SERINC5: variants seen among roughly 807,000 people sequenced by gnomAD.
SERINC5 encodes chromosome 5 open reading frame 12.
Under a neutral mutation model 63.1 loss-of-function variants are expected in SERINC5, and 41 were observed. That is an observed-to-expected ratio of 0.65 (90% CI 0.51 to 0.84). The LOEUF (loss-of-function observed/expected upper bound fraction) is 0.84. SERINC5 is among the 40% of genes least tolerant of loss of function. The pLI is 0.00. For missense variants in SERINC5, 523 were observed against 573.0 expected, an observed-to-expected ratio of 0.91 and a Z score of 0.89; for synonymous variants, 222 against 215.2, an observed-to-expected ratio of 1.03 and a Z score of -0.28.
chr5:80,225,384 T>C (rs1433037359), intron 1 of SERINC5, among the ~76,000 whole-genome samples: 1 of 152,210 alleles, frequency 6.6e-6, no homozygotes, highest in African/African-American at 2.4e-5. Flanking sequence ...GTCCATTTGT[T>C]TGCAATACTT....
chr5:80,141,503 A>C lies in SERINC5; in HGVS notation c.*2160T>G, dbSNP rs1745503413. On this transcript the variant is annotated 3_prime_UTR_variant, in exon 12 of 12. Coordinates refer to ENST00000507668, the MANE Select transcript of SERINC5 (RefSeq NM_001174072.3). Reference sequence around the variant, plus strand: ...ACCAGCTGGCAGCCAGACCCAGCCGAGAGGACAAAGCAAGGGCTCTGCTAG... The same window carrying C: ...ACCAGCTGGCAGCCAGACCCAGCCGCGAGGACAAAGCAAGGGCTCTGCTAG... 16 of 985,456 alleles carry C rather than the reference A, an allele frequency of 1.6e-5. No individual in the cohort carries two copies. Among genetic ancestry groups the C allele is most frequent in the Non-Finnish European group, 1.8e-5 (15 of 830,034 alleles). The allele number at this position is 985,456 out of a possible 1,614,324, so 61.0% of individuals were successfully genotyped here.
intron 1 of SERINC5, among the ~76,000 whole-genome samples, 173 bp downstream of exon 1, chr5:80,255,723 A>G (rs1384418389): frequency 6.9e-6 from 1 of 144,044 alleles, no homozygotes; most frequent in Non-Finnish European, 1.5e-5. Context: ...CCGCCCGCCC[A>G]GGGCACAGGA....
intron 8 of SERINC5, among the ~76,000 whole-genome samples, chr5:80,156,093 T>C (rs1216548777): frequency 6.6e-6 from 1 of 152,172 alleles, no homozygotes; most frequent in African/African-American, 2.4e-5. Context: ...TCCAGTCTTC[T>C]ACAACTTTAC....
chr5:80,219,516 C>A (rs1222681186), intron 1 of SERINC5, among the ~76,000 whole-genome samples: 1 of 152,150 alleles, frequency 6.6e-6, no homozygotes, highest in African/African-American at 2.4e-5. Context: ...CTGTTCATTG[C>A]CTTTTCAAGC....
chr5:80,175,081 C>G (rs757967878), intron 4 of SERINC5, 34 bp from the exon 5 acceptor site: 2 of 1,445,154 alleles, frequency 1.4e-6, no homozygotes, highest in Non-Finnish European at 9.5e-7. Context: ...AATGAGGCAA[C>G]CTTTCGTTGT....
intron 1 of SERINC5, among the ~76,000 whole-genome samples, chr5:80,229,021 CTTT>C (rs1166636996): frequency 1.2e-5 from 1 of 86,054 alleles, no homozygotes; most frequent in Non-Finnish European, 2.3e-5. Context: ...TTTTACATAC[CTTT>C]TTTTTTTTTT....
rs530096545 is a variant in SERINC5 at position 80,242,491 on chromosome 5, C to T, written c.27+13405G>A. On this transcript the variant is annotated intron_variant, in intron 1 of 11. Transcript: ENST00000507668. ...AAATTAGGCCAGGCGCAGTGGCTCACGCCTATAATCCCAGCATTTGGGAGG... is the reference window on the plus strand; with the variant it reads ...AAATTAGGCCAGGCGCAGTGGCTCATGCCTATAATCCCAGCATTTGGGAGG... 5.2e-3 allele frequency among the ~76,000 whole-genome samples: 424 copies of T among 81,608 alleles called. 1 individual carries two copies. Among genetic ancestry groups the T allele is most frequent in the Middle Eastern group, 0.015 (3 of 194 alleles). The allele number at this position is 81,608 out of a possible 152,430, so 53.5% of individuals were successfully genotyped here. A position where few individuals can be genotyped will look rare whatever the true frequency, so the allele number is the denominator to read the frequency against.
At chr5:80,242,709 C>T (rs1477567549) in intron 1 of SERINC5, among the ~76,000 whole-genome samples, 2 of 152,084 alleles carry the variant, frequency 1.3e-5, no homozygotes, top group Non-Finnish European at 2.9e-5. Context: ...AAGATCTCAC[C>T]ACTGCACTCC....
intron 2 of SERINC5, 92 bp downstream of exon 2, chr5:80,202,794 G>C: frequency 1.6e-6 from 2 of 1,289,180 alleles, no homozygotes; most frequent in Non-Finnish European, 2.2e-6. Context: ...AAACACATGG[G>C]GGTACATGGA....
intron 2 of SERINC5, among the ~76,000 whole-genome samples, chr5:80,190,249 A>T (rs1184812678): frequency 6.6e-6 from 1 of 151,426 alleles, no homozygotes; most frequent in Non-Finnish European, 1.5e-5. Context: ...AGCAGCTAGG[A>T]CTACAGGTGC....
intron 11 of SERINC5, among the ~76,000 whole-genome samples, chr5:80,120,536 T>C (rs1329886548): frequency 6.6e-6 from 1 of 152,092 alleles, no homozygotes; most frequent in Non-Finnish European, 1.5e-5. Flanking sequence ...GAAATACCCA[T>C]GGCCAGGCGT....
At chr5:80,152,375 T>A (rs979244417) in intron 8 of SERINC5, among the ~76,000 whole-genome samples, 1 of 149,984 alleles carries the variant, frequency 6.7e-6, no homozygotes, top group Admixed American at 6.6e-5. Flanking sequence ...GTGGCACATG[T>A]CTGCAGTCCC....
intron 2 of SERINC5, among the ~76,000 whole-genome samples, chr5:80,200,145 G>A (rs1416999006): frequency 2.3e-5 from 3 of 132,146 alleles, no homozygotes; most frequent in Non-Finnish European, 5.0e-5. Flanking sequence ...GCAACAGAGC[G>A]AGACTCGTAA....
At chr5:80,227,830 CAG>C (rs1751238210) in intron 1 of SERINC5, among the ~76,000 whole-genome samples, 1 of 151,986 alleles carries the variant, frequency 6.6e-6, no homozygotes, top group South Asian at 2.1e-4. Context: ...ACCTGGACGA[CAG>C]AGTGAGACCC....
intron 1 of SERINC5, among the ~76,000 whole-genome samples, chr5:80,215,889 T>C (rs940466746): frequency 6.6e-6 from 1 of 152,176 alleles, no homozygotes; most frequent in Non-Finnish European, 1.5e-5. Flanking sequence ...GATGTTCCCC[T>C]TTTTTGGAGT....
Position 80,192,665 on chromosome 5 carries a change from G to A in SERINC5, c.195+10221C>T, listed in dbSNP as rs571978188. On this transcript the variant is annotated intron_variant, in intron 2 of 11. Coordinates refer to ENST00000507668, the MANE Select transcript of SERINC5 (RefSeq NM_001174072.3). Reference sequence around the variant, plus strand: ...CCACACTGATGAAAGCCAGCATGTCGAAAGATAATTTTAGATCTATTTGAA... The same window carrying A: ...CCACACTGATGAAAGCCAGCATGTCAAAAGATAATTTTAGATCTATTTGAA... 1.1e-4 allele frequency among the ~76,000 whole-genome samples: 16 copies of A among 152,252 alleles called. 1 individual carries two copies. The highest frequency in any genetic ancestry group is 6.5e-5 in the Admixed American group (1 of 15,294).
At chr5:80,132,138 C>T (rs1045828079) in intron 11 of SERINC5, among the ~76,000 whole-genome samples, 4 of 152,166 alleles carry the variant, frequency 2.6e-5, no homozygotes, top group Admixed American at 2.6e-4. Flanking sequence ...AAATTTTTCA[C>T]CCCCAAACCA....
At chr5:80,152,985 A>AT (rs1183685125) in intron 8 of SERINC5, among the ~76,000 whole-genome samples, 1 of 152,168 alleles carries the variant, frequency 6.6e-6, no homozygotes, top group African/African-American at 2.4e-5. Context: ...TACTCTATAA[A>AT]TTCTTTGGGT....
chr5:80,200,043 A>G (rs1340192667), intron 2 of SERINC5, among the ~76,000 whole-genome samples: 1 of 152,228 alleles, frequency 6.6e-6, no homozygotes, highest in Non-Finnish European at 1.5e-5. Context: ...CTGTAGTCCC[A>G]ACTACTCAGA....
Sources: gnomAD v4.1 joint callset for allele counts (sites outside exome capture counted in the v4.1 genomes callset) on GRCh38, gnomAD v4.1.1 for gene constraint, MANE v1.5 for transcripts, NCBI Gene and HGNC (gene_info 2026-07-23, HGNC 2026-07-21) for gene names.